PCDHGA3: variants seen among roughly 807,000 people sequenced by gnomAD.
The protein encoded by PCDHGA3 is protocadherin gamma-A3.
In PCDHGA3, 40 loss-of-function variants were observed where a neutral mutation model predicts 58.5. The ratio of observed to expected loss-of-function variants is 0.68; its 90% confidence interval spans 0.53 to 0.89. The LOEUF is 0.89. PCDHGA3 is among the 40% of genes least tolerant of loss of function. The probability of loss-of-function intolerance (pLI) is 0.00; values close to 1 mark genes in which losing one functional copy is unlikely to be tolerated. For missense variants in PCDHGA3, 1,223 were observed against 1,195.9 expected (o/e 1.02, Z -0.33); for synonymous variants, 530 against 525.7 (o/e 1.01, Z -0.11).
At chr5:141,419,084 G>A in intron 1 of PCDHGA3, 2 of 1,613,920 alleles carry the variant, frequency 1.2e-6, no homozygotes, top group Non-Finnish European at 1.7e-6. Flanking sequence ...AACAGATGAG[G>A]CCCTGGATCG....
intron 1 of PCDHGA3, among the ~76,000 whole-genome samples, chr5:141,460,183 CCA>C (rs561755067): frequency 7.2e-5 from 11 of 151,782 alleles, no homozygotes; most frequent in Non-Finnish European, 1.0e-4. Context: ...ATATTTTATC[CCA>C]GACTATGACT....
chr5:141,462,268 A>C (rs982301403), intron 1 of PCDHGA3, among the ~76,000 whole-genome samples: 3 of 152,196 alleles, frequency 2.0e-5, no homozygotes, highest in African/African-American at 7.2e-5. Flanking sequence ...CCTAAAGTGT[A>C]TTGTTTAGTC....
In PCDHGA3 at chr5:141,487,102, G is replaced by C; in HGVS notation, c.2425-7705G>C. The C allele has an allele frequency of 6.2e-7, 1 of 1,613,900 alleles. No homozygotes were observed. Among genetic ancestry groups the C allele is most frequent in the Non-Finnish European group, 8.5e-7 (1 of 1,179,818 alleles). ...CAGCTGACCTCCCACCACAGAAGCTGGTCATTGTGGTAAAGGATAGTGGTA... is the reference window on the plus strand; with the variant it reads ...CAGCTGACCTCCCACCACAGAAGCTCGTCATTGTGGTAAAGGATAGTGGTA... On this transcript the variant is annotated intron_variant, in intron 1 of 3. Transcript: ENST00000253812. This position sits in a 1 kb window ranked among gnomAD's most constrained non-coding sequence, Gnocchi z 5.0.
At chr5:141,381,826 C>CTTT (rs770630741) in intron 1 of PCDHGA3, among the ~76,000 whole-genome samples, 5,488 of 73,990 alleles carry the variant, frequency 0.074, 263 homozygotes, top group Admixed American at 0.16. Context: ...CTTTCTTCTT[C>CTTT]TTTTTTTTTT....
intron 1 of PCDHGA3, among the ~76,000 whole-genome samples, chr5:141,380,098 C>T (rs1242678914): frequency 1.3e-5 from 2 of 151,806 alleles, no homozygotes; most frequent in African/African-American, 4.8e-5. Context: ...TGGGGTTTTA[C>T]CATGATGGCC....
At chr5:141,396,060 G>A (rs1309175410) in intron 1 of PCDHGA3, 1 of 152,318 alleles carries the variant, frequency 6.6e-6, no homozygotes, top group East Asian at 1.9e-4. Flanking sequence ...CCAATTAGCT[G>A]TTTCGGTTGT....
intron 1 of PCDHGA3, chr5:141,355,561 G>A (rs754992757): frequency 5.0e-6 from 8 of 1,613,922 alleles, no homozygotes; most frequent in East Asian, 2.2e-5. Flanking sequence ...GCGGGTAGAG[G>A]TGGAAATAAT....
chr5:141,357,470 T>C, intron 1 of PCDHGA3: 1 of 1,614,068 alleles, frequency 6.2e-7, no homozygotes, highest in South Asian at 1.1e-5. Context: ...TCCCACGAGG[T>C]CTCCCTCACC....
rs1466755382 is a variant in PCDHGA3 at position 141,384,339 on chromosome 5, C to G, written c.2424+37882C>G. 19 of 1,613,782 alleles carry G rather than the reference C, an allele frequency of 1.2e-5. 1 individual carries two copies. Among genetic ancestry groups the G allele is most frequent in the Non-Finnish European group, 1.6e-5 (19 of 1,179,910 alleles). ...TCTTAGTGACTGCACAGGACCACGA[C>G]AGTGAGGATAATGCCCAGATCACTT... On this transcript the variant is annotated intron_variant, in intron 1 of 3. Coordinates refer to ENST00000253812, the MANE Select transcript of PCDHGA3 (RefSeq NM_018916.4).
intron 1 of PCDHGA3, among the ~76,000 whole-genome samples, chr5:141,348,877 G>C (rs533062795): frequency 6.6e-6 from 1 of 152,204 alleles, no homozygotes; most frequent in African/African-American, 2.4e-5. Context: ...TTGTTGAGTT[G>C]GATCTCATTT....
At chr5:141,383,733 A>T (rs770047743) in intron 1 of PCDHGA3, 2 of 1,613,886 alleles carry the variant, frequency 1.2e-6, no homozygotes, top group African/African-American at 2.7e-5. Context: ...GGGAAGTGAC[A>T]TATTCTTTTC....
intron 1 of PCDHGA3, among the ~76,000 whole-genome samples, chr5:141,457,926 GGGCTTTTATT>G (rs1398565105): frequency 6.6e-6 from 1 of 151,120 alleles, no homozygotes; most frequent in Non-Finnish European, 1.5e-5. Context: ...TCTCCCCAAG[GGGCTTTTATT>G]GGCTCTGCAT....
rs374655655 is a variant in PCDHGA3, at chr5:141,431,023, C to A, written c.2425-63784C>A. 1 of 1,613,748 alleles carries A rather than the reference C, an allele frequency of 6.2e-7. No homozygotes were observed. The highest frequency in any genetic ancestry group is 2.2e-5 in the East Asian group (1 of 44,862). On this transcript the variant is annotated intron_variant, in intron 1 of 3. Coordinates refer to ENST00000253812, the MANE Select transcript of PCDHGA3 (RefSeq NM_018916.4). The surrounding 1 kb of genome is among the most constrained non-coding windows in gnomAD (Gnocchi z 4.8). ...GCAGCGGCAGCTTGGTCACGGCGGG[C>A]AGGATAGACCGGGAGGAGCTCTGTA...
At chr5:141,478,231 T>C (rs1423148) in intron 1 of PCDHGA3, 739,438 of 1,613,786 alleles carry the variant, frequency 0.46, 177,434 homozygotes, top group African/African-American at 0.83. Flanking sequence ...CTGTGGGGTT[T>C]GTGGTCACAG....
intron 1 of PCDHGA3, chr5:141,420,309 A>G (rs1263620304): frequency 2.7e-6 from 4 of 1,460,536 alleles, no homozygotes; most frequent in Non-Finnish European, 3.7e-6. Context: ...TCCTTTTTAT[A>G]TTACAATATG....
Position 141,476,220 on chromosome 5 carries a change from A to G in PCDHGA3, c.2425-18587A>G, listed in dbSNP as rs770978000. On this transcript the variant is annotated intron_variant, in intron 1 of 3. Coordinates refer to ENST00000253812, the MANE Select transcript of PCDHGA3 (RefSeq NM_018916.4). This position sits in a 1 kb window ranked among gnomAD's most constrained non-coding sequence, Gnocchi z 7.6. Reference sequence around the variant, plus strand: ...AACAAGGCTTCCACGGTCATTCACTATGAGATCCCGGAGGAAAGAGAGAAG... The same window carrying G: ...AACAAGGCTTCCACGGTCATTCACTGTGAGATCCCGGAGGAAAGAGAGAAG... 44 of 1,613,884 alleles carry G rather than the reference A, an allele frequency of 2.7e-5. No individual in the cohort carries two copies. The highest frequency in any genetic ancestry group is 3.4e-5 in the Non-Finnish European group (40 of 1,180,004).
intron 1 of PCDHGA3, among the ~76,000 whole-genome samples, chr5:141,437,686 G>A (rs1025629140): frequency 2.6e-5 from 4 of 151,740 alleles, no homozygotes; most frequent in African/African-American, 9.7e-5. Flanking sequence ...AACTGATGAG[G>A]CTAAATCTCA....
chr5:141,357,752 T>C (rs1760725743), intron 1 of PCDHGA3: 3 of 1,127,116 alleles, frequency 2.7e-6, no homozygotes, highest in Non-Finnish European at 3.7e-6. Context: ...TAAAGAAAAC[T>C]GGTGGATGAC....
At chr5:141,454,665 CA>C (rs2098795764) in intron 1 of PCDHGA3, among the ~76,000 whole-genome samples, 3 of 152,058 alleles carry the variant, frequency 2.0e-5, no homozygotes, top group Non-Finnish European at 4.4e-5. Flanking sequence ...CTCGGCCTCC[CA>C]AAACACTGGG....
Sources: allele counts gnomAD v4.1 joint callset (sites outside exome capture counted in the v4.1 genomes callset), GRCh38; gene constraint gnomAD v4.1.1; non-coding constraint Gnocchi (gnomAD v3.1); transcripts MANE v1.5; gene names NCBI Gene and HGNC (gene_info 2026-07-23, HGNC 2026-07-21).